The following CTIF variants were observed in gnomAD, a reference collection of about 807,000 sequenced individuals.
CTIF encodes the protein cap binding complex dependent translation initiation factor, also known as CBP80/20-dependent translation initiation factor.
In CTIF, 21 loss-of-function variants were observed where a neutral mutation model predicts 66.0. The ratio of observed to expected loss-of-function variants is 0.32; its 90% CI spans 0.23 to 0.46. The LOEUF (loss-of-function observed/expected upper bound fraction) is 0.46. Among genes scored for constraint, CTIF ranks in the 20% least tolerant of loss-of-function variants. The pLI, the probability that CTIF is intolerant of heterozygous loss-of-function variation, is 1.00. For missense variants in CTIF, 739 were observed against 812.7 expected, an observed-to-expected ratio of 0.91 and a Z score of 1.10; for synonymous variants, 345 against 326.4, an observed-to-expected ratio of 1.06 and a Z score of -0.62.
chr18:48,797,304 G>A (rs2067942886), intron 9 of CTIF, among the ~76,000 whole-genome samples: 2 of 152,156 alleles, frequency 1.3e-5, no homozygotes, highest in East Asian at 1.9e-4. Context: ...CCAACATGGT[G>A]AAACCCTGTC....
chr18:48,598,029 C>T (rs888295753), intron 1 of CTIF, among the ~76,000 whole-genome samples: 2 of 152,206 alleles, frequency 1.3e-5, no homozygotes, highest in African/African-American at 4.8e-5. Flanking sequence ...CTTTCCAGCT[C>T]ATCTTCTGGC....
chr18:48,834,220 C>A (rs546984955), intron 10 of CTIF, among the ~76,000 whole-genome samples: 5 of 152,304 alleles, frequency 3.3e-5, no homozygotes, highest in African/African-American at 1.2e-4. Context: ...GGAGAGCAAG[C>A]GCCTCCACTC....
At chr18:48,740,710 C>T (rs763236801) in intron 7 of CTIF, among the ~76,000 whole-genome samples, 30 of 152,214 alleles carry the variant, frequency 2.0e-4, no homozygotes, top group Non-Finnish European at 4.3e-4. Context: ...GCACCTTGTT[C>T]TTTTGTGTCC....
chr18:48,705,599 ATCACACCAGGACTTTACAGATGGGG>A (rs1180895438), intron 6 of CTIF, among the ~76,000 whole-genome samples: 35 of 152,318 alleles, frequency 2.3e-4, no homozygotes, highest in African/African-American at 7.2e-4. Flanking sequence ...TACAGATGGG[ATCACACCAGGACTTTACAGATGGGG>A]TCACACTGTG....
chr18:48,854,738 TAGAG>T (rs2069286604), intron 10 of CTIF, among the ~76,000 whole-genome samples: 1 of 151,964 alleles, frequency 6.6e-6, no homozygotes, highest in Non-Finnish European at 1.5e-5. Flanking sequence ...CTGGGCAACA[TAGAG>T]AGACCCTGTC....
At chr18:48,660,217 G>C (rs1354795914) in intron 3 of CTIF, among the ~76,000 whole-genome samples, 1 of 151,198 alleles carries the variant, frequency 6.6e-6, no homozygotes, top group Non-Finnish European at 1.5e-5. Flanking sequence ...GGAGCTGTGG[G>C]GATTCAATGA....
intron 1 of CTIF, among the ~76,000 whole-genome samples, chr18:48,550,432 C>T (rs911295931): frequency 1.3e-5 from 2 of 152,208 alleles, no homozygotes; most frequent in Non-Finnish European, 2.9e-5. Flanking sequence ...ATTGGGAAGC[C>T]TGGCCCCAGG....
intron 9 of CTIF, among the ~76,000 whole-genome samples, chr18:48,780,970 A>C (rs1351325636): frequency 6.6e-6 from 1 of 152,156 alleles, no homozygotes; most frequent in Non-Finnish European, 1.5e-5. Context: ...TCCTGTACTC[A>C]GATCGCAAAA....
intron 1 of CTIF, among the ~76,000 whole-genome samples, chr18:48,576,853 G>A (rs2089544513): frequency 6.6e-6 from 1 of 152,222 alleles, no homozygotes; most frequent in African/African-American, 2.4e-5. Context: ...TGTGGTTTTG[G>A]TTTTCTGGGC....
chr18:48,600,062 C>A (rs868271991), intron 1 of CTIF, among the ~76,000 whole-genome samples: 2 of 152,202 alleles, frequency 1.3e-5, no homozygotes, highest in South Asian at 4.1e-4. Flanking sequence ...TCTGATTCCT[C>A]ACTGTCAATT....
At chr18:48,717,355 G>A (rs1192636000) in intron 7 of CTIF, among the ~76,000 whole-genome samples, 1 of 151,732 alleles carries the variant, frequency 6.6e-6, no homozygotes, top group African/African-American at 2.4e-5. Flanking sequence ...CCGAGATCAC[G>A]CCATTGCACT....
intron 1 of CTIF, among the ~76,000 whole-genome samples, chr18:48,594,653 TGGC>T (rs995780148): frequency 3.9e-5 from 6 of 152,178 alleles, no homozygotes; most frequent in Non-Finnish European, 7.3e-5. Flanking sequence ...GTGACCTTGT[TGGC>T]AAAAAGCAAG....
intron 3 of CTIF, among the ~76,000 whole-genome samples, chr18:48,645,045 T>G (rs756036852): frequency 1.3e-5 from 2 of 152,174 alleles, no homozygotes; most frequent in Admixed American, 6.5e-5. Context: ...AGACCTAAAC[T>G]TCTGCTTCTG....
chr18:48,548,588 C>G (rs2088810596), intron 1 of CTIF, among the ~76,000 whole-genome samples: 2 of 152,224 alleles, frequency 1.3e-5, no homozygotes, highest in Admixed American at 1.3e-4. Context: ...AGCAAGGTTG[C>G]ATCAGATGGC....
At chr18:48,669,842 A>AGC (rs2091499871) in intron 5 of CTIF, among the ~76,000 whole-genome samples, 1 of 69,842 alleles carries the variant, frequency 1.4e-5, no homozygotes, top group African/African-American at 5.0e-5. Context: ...TATATATATA[A>AGC]GCTAGACTAT....
intron 1 of CTIF, among the ~76,000 whole-genome samples, chr18:48,558,853 C>T (rs1232640891): frequency 6.6e-6 from 1 of 152,176 alleles, no homozygotes. Context: ...ATCCATTCTC[C>T]AACCAATAAT....
chr18:48,561,084 C>T (rs1344998196), intron 1 of CTIF, among the ~76,000 whole-genome samples: 2 of 151,878 alleles, frequency 1.3e-5, no homozygotes, highest in African/African-American at 4.8e-5. Flanking sequence ...ACTAAAAATA[C>T]AAAAATTAGC....
rs35564462 is a variant in CTIF at position 48,655,297 on chromosome 18, TAA to T, written c.253-8433_253-8432del. ...TCCAGCCTGGGCCATAGAGCAAGAC[TAA>T]AAAAAAAAAAAAAAAAAAAAAGAAG... On this transcript the variant is annotated intron_variant, in intron 3 of 11. Transcript: ENST00000256413. Among the ~76,000 whole-genome samples the T allele has an allele frequency of 1.3e-3, 133 of 106,184 alleles. 1 individual carries two copies. The highest frequency in any genetic ancestry group is 4.8e-3 in the Middle Eastern group (1 of 208). The allele number at this position is 106,184 out of a possible 152,430, so 69.7% of individuals were successfully genotyped here. A position where few individuals can be genotyped will look rare whatever the true frequency, so the allele number is the denominator to read the frequency against.
chr18:48,551,255 T>G (rs1354953938), intron 1 of CTIF, among the ~76,000 whole-genome samples: 1 of 151,822 alleles, frequency 6.6e-6, no homozygotes, highest in Non-Finnish European at 1.5e-5. Context: ...AAGCCAGCCC[T>G]GCCAACACCT....
Sources: allele counts gnomAD v4.1 joint callset (sites outside exome capture counted in the v4.1 genomes callset), GRCh38; gene constraint gnomAD v4.1.1; transcripts MANE v1.5; gene names NCBI Gene and HGNC (gene_info 2026-07-23, HGNC 2026-07-21).